Variants in CACNA1I observed in about 807,000 individuals in gnomAD.
The protein encoded by CACNA1I is calcium voltage-gated channel subunit alpha1 I, also known as voltage-dependent T-type calcium channel subunit alpha-1I.
In CACNA1I, 74 loss-of-function variants were observed where a neutral mutation model predicts 201.6. The ratio of observed to expected loss-of-function variants is 0.37; its 90% confidence interval spans 0.30 to 0.45. CACNA1I has a LOEUF of 0.45. Among genes scored for constraint, CACNA1I ranks in the 20% least tolerant of loss-of-function variants. The pLI is 1.00. For missense variants in CACNA1I, 2,346 were observed against 3,138.1 expected, an observed-to-expected ratio of 0.75 and a Z score of 6.03; for synonymous variants, 1,431 against 1,345.2, an observed-to-expected ratio of 1.06 and a Z score of -1.40.
Position 39,659,968 on chromosome 22 carries a change from C to T in CACNA1I, c.2604+116C>T. 1.7e-6 allele frequency: 2 copies of T among 1,166,580 alleles called. No homozygotes were observed. Among genetic ancestry groups the T allele is most frequent in the South Asian group, 1.4e-5 (1 of 73,494 alleles). The allele number at this position is 1,166,580 out of a possible 1,614,324, so 72.3% of individuals were successfully genotyped here. A position where few individuals can be genotyped will look rare whatever the true frequency, so the allele number is the denominator to read the frequency against. ...TTCAAACTTCTAGCAGGCAACCTAT[C>T]CCTAAAGGAGGGGGTTGCTGATGAG... On this transcript the variant is annotated intron_variant, in intron 14 of 36. Transcript: ENST00000402142. The surrounding 1 kb of genome is among the most constrained non-coding windows in gnomAD (Gnocchi z 4.3).
chr22:39,612,296 A>G (rs1225181230), intron 3 of CACNA1I, among the ~76,000 whole-genome samples: 1 of 152,198 alleles, frequency 6.6e-6, no homozygotes, highest in Non-Finnish European at 1.5e-5. Context: ...AGCCTCCAGA[A>G]TCGTAAACCA....
At chr22:39,681,855 C>T (rs570249317) in intron 34 of CACNA1I, among the ~76,000 whole-genome samples, 1 of 152,156 alleles carries the variant, frequency 6.6e-6, no homozygotes, top group Non-Finnish European at 1.5e-5. Flanking sequence ...TCATTTTGGT[C>T]CCCTCCCTGA....
intron 24 of CACNA1I, among the ~76,000 whole-genome samples, chr22:39,669,466 G>A (rs537629509): frequency 1.3e-5 from 2 of 152,204 alleles, no homozygotes; most frequent in South Asian, 4.1e-4. Flanking sequence ...TTCTGGATGG[G>A]CGAATAAGTG....
chr22:39,592,955 C>T (rs765669622), intron 1 of CACNA1I, among the ~76,000 whole-genome samples: 3 of 152,188 alleles, frequency 2.0e-5, no homozygotes, highest in Non-Finnish European at 2.9e-5. Context: ...TGTCAGGAAC[C>T]GCGGGCAGTG....
intron 1 of CACNA1I, among the ~76,000 whole-genome samples, chr22:39,583,259 A>G (rs570993472): frequency 2.0e-4 from 29 of 145,858 alleles, no homozygotes; most frequent in African/African-American, 7.1e-4. Flanking sequence ...CATCAATCCA[A>G]CTGTCCATCC....
chr22:39,664,968 T>C (rs1935140831), intron 21 of CACNA1I, 45 bp downstream of exon 21: 2 of 1,575,368 alleles, frequency 1.3e-6, no homozygotes, highest in Middle Eastern at 1.8e-4. Context: ...TCATGCACTG[T>C]ACCGAGAAGC....
chr22:39,618,235 GTGTGTGGTTGTGTGCC>G (rs1478935301), intron 3 of CACNA1I, among the ~76,000 whole-genome samples: 2 of 69,924 alleles, frequency 2.9e-5, no homozygotes, highest in African/African-American at 7.1e-5. Context: ...CTGTGTGCAG[GTGTGTGGTTGTGTGCC>G]TGTGTGTGTG....
intron 25 of CACNA1I, among the ~76,000 whole-genome samples, chr22:39,670,562 C>A (rs966521915): frequency 6.6e-6 from 1 of 152,206 alleles, no homozygotes; most frequent in Non-Finnish European, 1.5e-5. Context: ...GCCACAAGCT[C>A]ATTTGGGGTA....
chr22:39,584,017 G>C (rs1932665600), intron 1 of CACNA1I, among the ~76,000 whole-genome samples: 1 of 152,240 alleles, frequency 6.6e-6, no homozygotes, highest in South Asian at 2.1e-4. Context: ...AGAGGGCCTT[G>C]TATGCCAAGC....
chr22:39,601,917 CCTTCCTTCCTT>C (rs1933058188), intron 3 of CACNA1I, among the ~76,000 whole-genome samples: 2 of 40,338 alleles, frequency 5.0e-5, no homozygotes, highest in East Asian at 3.6e-4. Flanking sequence ...CTCCCTCCCT[CCTTCCTTCCTT>C]CCTGCCTTCC....
chr22:39,621,221 C>T (rs926822369), intron 4 of CACNA1I, among the ~76,000 whole-genome samples: 1 of 152,256 alleles, frequency 6.6e-6, no homozygotes, highest in Non-Finnish European at 1.5e-5. Context: ...TGTCTGTCCT[C>T]AGCCCAGTTT....
At chr22:39,619,283 C>G in intron 3 of CACNA1I, 27 bp from the exon 4 acceptor site, 24 of 1,566,040 alleles carry the variant, frequency 1.5e-5, no homozygotes, top group Non-Finnish European at 1.9e-5. Flanking sequence ...CCAGCACCAT[C>G]CCTCACTCTC....
intron 1 of CACNA1I, chr22:39,571,268 C>T: frequency 1.9e-6 from 1 of 513,892 alleles, no homozygotes; most frequent in Non-Finnish European, 3.6e-6. Flanking sequence ...TGAGTGTGGG[C>T]CCCAGACCTG....
chr22:39,667,675 G>A (rs1935241296), intron 23 of CACNA1I, among the ~76,000 whole-genome samples: 1 of 151,908 alleles, frequency 6.6e-6, no homozygotes, highest in South Asian at 2.1e-4. Flanking sequence ...GGAGCCTTGG[G>A]TGGCTGTGTT....
At chr22:39,656,564 C>T (rs1601502849) in intron 10 of CACNA1I, 1 of 515,370 alleles carries the variant, frequency 1.9e-6, no homozygotes, top group South Asian at 1.4e-5. Flanking sequence ...GGACGGTGCC[C>T]TGACTCCCTC....
chr22:39,594,930 C>A (rs1318881793), intron 1 of CACNA1I, among the ~76,000 whole-genome samples: 1 of 152,182 alleles, frequency 6.6e-6, no homozygotes, highest in Non-Finnish European at 1.5e-5. Context: ...CCTATACCTG[C>A]ATACCTGGAT....
At chr22:39,620,333 A>G (rs147081044) in intron 4 of CACNA1I, among the ~76,000 whole-genome samples, 98 of 150,952 alleles carry the variant, frequency 6.5e-4, no homozygotes, top group African/African-American at 2.3e-3. Context: ...TTGTCCATTC[A>G]TTCATCTGTA....
rs1935886075 is a variant in CACNA1I at position 39,686,574 on chromosome 22, G to A, written c.*169G>A. The A allele has an allele frequency of 1.9e-5, 6 of 312,608 alleles. No individual in the cohort carries two copies. Among genetic ancestry groups the A allele is most frequent in the South Asian group, 3.2e-4 (2 of 6,164 alleles). 19.4% of individuals were successfully genotyped at this position (312,608 alleles called of 1,614,324 possible). On this transcript the variant is annotated 3_prime_UTR_variant, in exon 37 of 37. Transcript: ENST00000402142. ...CGGAGTCTGGGTTAGCCAGGCCTGC[G>A]TGGCCCATGGTGGCCCTTCCAGTGC...
At chr22:39,668,197 C>T (rs1935254550) in intron 23 of CACNA1I, 95 bp from the exon 24 acceptor site, 1 of 740,620 alleles carries the variant, frequency 1.4e-6, no homozygotes, top group Non-Finnish European at 2.4e-6. Context: ...CCTCTGCCTC[C>T]CAAGGGCAGA....
Sources: gnomAD v4.1 joint callset for allele counts (sites outside exome capture counted in the v4.1 genomes callset) on GRCh38, gnomAD v4.1.1 for gene constraint, Gnocchi (gnomAD v3.1) non-coding constraint, MANE v1.5 for transcripts, NCBI Gene and HGNC (gene_info 2026-07-23, HGNC 2026-07-21) for gene names.